Variants in GDF1 observed in about 807,000 individuals in gnomAD.
The protein encoded by GDF1 is embryonic growth/differentiation factor 1.
GDF1 carries 8 observed loss-of-function variants against 7.4 expected under a neutral mutation model. The observed-to-expected ratio is 1.09, with a 90% CI of 0.64 to 1.96. The LOEUF (loss-of-function observed/expected upper bound fraction) is 1.96. Among genes scored for constraint, GDF1 ranks in the 30% most tolerant of loss-of-function variants. The pLI, the probability that GDF1 is intolerant of heterozygous loss-of-function variation, is 0.00. For synonymous variants in GDF1, 311 were observed against 276.7 expected (o/e 1.12, Z -1.23); for missense variants, 574 against 551.5 (o/e 1.04, Z -0.41).
intron 2 of GDF1, among the ~76,000 whole-genome samples, chr19:18,886,599 G>A (rs1050654012): frequency 2.0e-5 from 3 of 152,126 alleles, no homozygotes; most frequent in African/African-American, 7.2e-5. Context: ...AAGGCGGGAA[G>A]CCATGCTGTG....
chr19:18,892,923 C>CT (rs1342602761), intron 2 of GDF1, among the ~76,000 whole-genome samples: 2 of 151,738 alleles, frequency 1.3e-5, no homozygotes, highest in African/African-American at 4.8e-5. Flanking sequence ...TTCTTTTTTT[C>CT]TTTTCTTTTT....
chr19:18,875,951 C>A (rs1392728530), intron 6 of GDF1, among the ~76,000 whole-genome samples: 1 of 152,210 alleles, frequency 6.6e-6, no homozygotes, highest in Non-Finnish European at 1.5e-5. Context: ...TTTTGAACAT[C>A]TGTCATCCAG....
chr19:18,872,882 C>T (rs1029824723), intron 6 of GDF1, among the ~76,000 whole-genome samples: 1 of 152,192 alleles, frequency 6.6e-6, no homozygotes, highest in African/African-American at 2.4e-5. Flanking sequence ...CTCCTGACCT[C>T]AGGTGATCCA....
At chr19:18,888,945 G>A (rs551359632) in intron 2 of GDF1, among the ~76,000 whole-genome samples, 3 of 144,274 alleles carry the variant, frequency 2.1e-5, no homozygotes, top group African/African-American at 7.8e-5. Context: ...AGGCTGGAGT[G>A]CAGTAGCATG....
At chr19:18,893,707 A>G in intron 1 of GDF1, 132 bp from the exon 2 acceptor site, 1 of 869,766 alleles carries the variant, frequency 1.1e-6, no homozygotes. Context: ...CCATGCCCAC[A>G]GCCACCTGGA....
chr19:18,877,543 G>C (rs779118491), intron 6 of GDF1, among the ~76,000 whole-genome samples: 1 of 152,140 alleles, frequency 6.6e-6, no homozygotes, highest in Non-Finnish European at 1.5e-5. Context: ...CTTGAGCCCA[G>C]GTGTTTGAGA....
At chr19:18,892,353 A>G (rs1033346815) in intron 2 of GDF1, among the ~76,000 whole-genome samples, 1 of 151,884 alleles carries the variant, frequency 6.6e-6, no homozygotes, top group African/African-American at 2.4e-5. Context: ...AGTGGCTCAC[A>G]CCTGTAATCC....
Position 18,870,048 on chromosome 19 carries a change from A to G in GDF1, c.260T>C (p.Leu87Pro), listed in dbSNP as rs983750735. 8 of 1,593,776 alleles carry G rather than the reference A, an allele frequency of 5.0e-6. No homozygotes were observed. Among genetic ancestry groups the G allele is most frequent in the Non-Finnish European group, 6.8e-6 (8 of 1,173,850 alleles). ...GSRRTSPGVT[L>P]QPCHVEELGV... ...CAGCTCCTCCACGTGGCACGGTTGCAGGGTGACCCCTGGGGACGTCCGCCG... is the reference window on the plus strand; with the variant it reads ...CAGCTCCTCCACGTGGCACGGTTGCGGGGTGACCCCTGGGGACGTCCGCCG... The change falls in exon 7 of 8, where the codon CTG becomes CCG. Residue 87 changes from leucine to proline, a missense_variant. Physicochemically the swap from Leu to Pro is moderately conservative, Grantham distance 98 (BLOSUM62 -3). Coordinates refer to ENST00000247005, the MANE Select transcript of GDF1 (RefSeq NM_001492.6). This position sits in a 1 kb window ranked among gnomAD's most constrained non-coding sequence, Gnocchi z 5.1.
In GDF1 at chr19:18,878,314, C is replaced by G; in HGVS notation, c.-313+616G>C. 1 of 986,004 alleles carries G rather than the reference C, an allele frequency of 1.0e-6. No individual in the cohort carries two copies. Among genetic ancestry groups the G allele is most frequent in the Non-Finnish European group, 1.2e-6 (1 of 830,526 alleles). The allele number at this position is 986,004 out of a possible 1,614,324, so 61.1% of individuals were successfully genotyped here. On this transcript the variant is annotated intron_variant, in intron 6 of 7. Transcript: ENST00000247005. The surrounding 1 kb of genome is among the most constrained non-coding windows in gnomAD (Gnocchi z 4.6). ...CCAGACACCCCCTGCCTGCCCCAGGCCTGGGGCTTCGGACACCATCTGGCT... is the reference window on the plus strand; with the variant it reads ...CCAGACACCCCCTGCCTGCCCCAGGGCTGGGGCTTCGGACACCATCTGGCT...
chr19:18,892,227 T>C lies in GDF1; in HGVS notation c.-914+1189A>G, dbSNP rs936107890. On this transcript the variant is annotated intron_variant, in intron 2 of 7. Coordinates refer to ENST00000247005, the MANE Select transcript of GDF1 (RefSeq NM_001492.6). ...CATGTTTATCTCCTCACCAAGATGG[T>C]GCAAGCCGAGGGGACCCTCCCACCT... is the stretch of plus-strand genomic sequence containing the variant. Among the ~76,000 whole-genome samples, 5 of 151,592 alleles carry C rather than the reference T, an allele frequency of 3.3e-5. No individual in the cohort carries two copies. The East Asian group carries it at 7.8e-4, about 24-fold the overall frequency.
rs571387097 is a variant in GDF1 at position 18,869,245 on chromosome 19, T to TGCC, written c.468_470dup (p.Ala158dup). ...TCAGCTCCCAGCCGCCCTCCGGGGC[T>TGCC]GCCGCCGCCGCCGCCGCGAAACGCA... On this transcript the variant is annotated inframe_insertion, in exon 8 of 8. Transcript: ENST00000247005. 0.049 allele frequency: 69,754 copies of TGCC among 1,427,884 alleles called. 1,635 individuals carry two copies. Among genetic ancestry groups the TGCC allele is most frequent in the East Asian group, 0.074 (2,461 of 33,132 alleles). The allele number at this position is 1,427,884 out of a possible 1,614,324, so 88.5% of individuals were successfully genotyped here. A position where few individuals can be genotyped will look rare whatever the true frequency, so the allele number is the denominator to read the frequency against.
In GDF1 at chr19:18,869,400, T is replaced by C. The variant is rs1232853512; in HGVS notation, c.326-10A>G. 3 of 1,523,566 alleles carry C rather than the reference T, an allele frequency of 2.0e-6. No individual in the cohort carries two copies. The highest frequency in any genetic ancestry group is 2.5e-5 in the East Asian group (1 of 39,694). 94.4% of individuals were successfully genotyped at this position (1,523,566 alleles called of 1,614,324 possible). A position where few individuals can be genotyped will look rare whatever the true frequency, so the allele number is the denominator to read the frequency against. ...GCCCGGGTGGGCGCACCTGGGGAGG[T>C]AGGAACAGGAACTCGGCTCGCGCTG... On this transcript the variant is annotated splice_polypyrimidine_tract_variant and intron_variant, in intron 7 of 7. Transcript: ENST00000247005.
chr19:18,883,608 G>A (rs560108138), intron 3 of GDF1, among the ~76,000 whole-genome samples: 1 of 152,316 alleles, frequency 6.6e-6, no homozygotes, highest in African/African-American at 2.4e-5. Flanking sequence ...CTTTGAAGCC[G>A]GGTGGGTTTT....
intron 2 of GDF1, among the ~76,000 whole-genome samples, chr19:18,888,891 T>TTC (rs955066198): frequency 7.9e-6 from 1 of 125,944 alleles, no homozygotes; most frequent in African/African-American, 2.7e-5. Context: ...CTTTCTTTCT[T>TTC]TTTTTTTTTT....
intron 1 of GDF1, 67 bp from the exon 2 acceptor site, chr19:18,893,642 G>A: frequency 6.7e-7 from 1 of 1,491,874 alleles, no homozygotes; most frequent in South Asian, 1.2e-5. Context: ...TTTGGGGTGG[G>A]GAAACTGAGG....
Position 18,878,421 on chromosome 19 carries a change from C to A in GDF1, c.-313+509G>T, listed in dbSNP as rs1450003589. 6 of 990,824 alleles carry A rather than the reference C, an allele frequency of 6.1e-6. No individual in the cohort carries two copies. Among genetic ancestry groups the A allele is most frequent in the Non-Finnish European group, 7.2e-6 (6 of 833,218 alleles). 61.4% of individuals were successfully genotyped at this position (990,824 alleles called of 1,614,324 possible). Reference sequence around the variant, plus strand: ...GGCTGGACTGAGTCTGAGCTCCCAGCCCCAGCTCCTGTTTGGCCGGGCAGT... The same window carrying A: ...GGCTGGACTGAGTCTGAGCTCCCAGACCCAGCTCCTGTTTGGCCGGGCAGT... On this transcript the variant is annotated intron_variant, in intron 6 of 7. Coordinates refer to ENST00000247005, the MANE Select transcript of GDF1 (RefSeq NM_001492.6). This position sits in a 1 kb window ranked among gnomAD's most constrained non-coding sequence, Gnocchi z 4.6.
At chr19:18,892,040 C>T (rs918981766) in intron 2 of GDF1, among the ~76,000 whole-genome samples, 2 of 151,928 alleles carry the variant, frequency 1.3e-5, no homozygotes, top group Non-Finnish European at 2.9e-5. Flanking sequence ...ATTACAGGCA[C>T]GCGCCACCAT....
chr19:18,896,101 C>G lies in GDF1; in HGVS notation c.-1351G>C. 3 of 877,758 alleles carry G rather than the reference C, an allele frequency of 3.4e-6. No individual in the cohort carries two copies. The highest frequency in any genetic ancestry group is 4.1e-6 in the Non-Finnish European group (3 of 734,418). 54.4% of individuals were successfully genotyped at this position (877,758 alleles called of 1,614,324 possible). ...GCCCGCTCGCCCGCCGTGCCCGTCG[C>G]CTGCGCCCGCCCGCGGTAGCCGACG... On this transcript the variant is annotated 5_prime_UTR_variant, in exon 1 of 8. Transcript: ENST00000247005. This position sits in a 1 kb window ranked among gnomAD's most constrained non-coding sequence, Gnocchi z 5.9.
At chr19:18,874,449 G>T (rs977828564) in intron 6 of GDF1, among the ~76,000 whole-genome samples, 2 of 152,230 alleles carry the variant, frequency 1.3e-5, no homozygotes, top group Admixed American at 6.5e-5. Context: ...GATTACAGGT[G>T]TGAGTCACCG....
Sources: allele counts gnomAD v4.1 joint callset (sites outside exome capture counted in the v4.1 genomes callset), GRCh38; gene constraint gnomAD v4.1.1; non-coding constraint Gnocchi (gnomAD v3.1); transcripts MANE v1.5; gene names NCBI Gene and HGNC (gene_info 2026-07-23, HGNC 2026-07-21).